Variants in PCDHA6 observed in about 807,000 individuals in gnomAD.
PCDHA6 encodes protocadherin alpha-6.
A neutral mutation model predicts 60.3 loss-of-function variants in PCDHA6; 55 were observed. That is an observed-to-expected ratio of 0.91 (90% confidence interval 0.73 to 1.14). PCDHA6 has a LOEUF of 1.14. PCDHA6 is among the 50% of genes most tolerant of loss of function. The pLI, the probability that PCDHA6 is intolerant of heterozygous loss-of-function variation, is 0.00. For missense variants in PCDHA6, 1,327 were observed against 1,256.5 expected (o/e 1.06, Z -0.85); for synonymous variants, 652 against 557.9 (o/e 1.17, Z -2.38).
At chr5:140,986,393 C>T (rs1554248003) in intron 3 of PCDHA6, among the ~76,000 whole-genome samples, 1 of 152,148 alleles carries the variant, frequency 6.6e-6, no homozygotes, top group Non-Finnish European at 1.5e-5. Context: ...ATTAAAGGGC[C>T]AGTCGCTCAT....
At chr5:140,870,132 C>T (rs371110623) in intron 1 of PCDHA6, 43 of 1,613,852 alleles carry the variant, frequency 2.7e-5, no homozygotes, top group East Asian at 4.5e-5. Context: ...TGGACACCAA[C>T]GATAACTCTC....
In PCDHA6 at chr5:140,854,901, T is replaced by C. The variant is rs1371742566; in HGVS notation, c.2394+24416T>C. On this transcript the variant is annotated intron_variant, in intron 1 of 3. Transcript: ENST00000529310. ...CTTTTGGGCATTTGAAAAGCGTAAA[T>C]ATAACAGGGTTGAAAGCATTTGCCT... 1.1e-4 allele frequency among the ~76,000 whole-genome samples: 17 copies of C among 149,996 alleles called. No individual in the cohort carries two copies. In the Admixed American group the frequency reaches 1.1e-3, roughly 10 times the overall value.
chr5:140,967,201 A>G (rs1554229306), intron 1 of PCDHA6: 7 of 1,613,620 alleles, frequency 4.3e-6, no homozygotes, highest in Non-Finnish European at 5.9e-6. Flanking sequence ...ACGACAACTC[A>G]CCGCGTTTCC....
intron 3 of PCDHA6, among the ~76,000 whole-genome samples, chr5:141,002,620 A>G (rs553505520): frequency 6.8e-4 from 104 of 152,336 alleles, no homozygotes; most frequent in African/African-American, 2.4e-3. Flanking sequence ...CACATAACAC[A>G]GACAGAGATA....
chr5:140,880,063 G>A (rs750549371), intron 1 of PCDHA6, among the ~76,000 whole-genome samples: 2 of 151,982 alleles, frequency 1.3e-5, no homozygotes, highest in Non-Finnish European at 2.9e-5. Flanking sequence ...AACTTTTTGG[G>A]GACCACAATT....
At chr5:141,004,952 C>T (rs543938360) in intron 3 of PCDHA6, among the ~76,000 whole-genome samples, 52 of 152,346 alleles carry the variant, frequency 3.4e-4, no homozygotes, top group African/African-American at 1.2e-3. Context: ...TACCCTCTCT[C>T]GTCACTGCCT....
rs546510910 is a variant in PCDHA6, at chr5:140,894,996, C to G, written c.2394+64511C>G. ...GTCTTACTTTGTGACATCCTTTACC[C>G]TTTTTACTTGGACCTTTTTCCTTTG... is the stretch of plus-strand genomic sequence containing the variant. On this transcript the variant is annotated intron_variant, in intron 1 of 3. Transcript: ENST00000529310. Among the ~76,000 whole-genome samples, 5 of 152,204 alleles carry G rather than the reference C, an allele frequency of 3.3e-5. No homozygotes were observed. The East Asian group carries it at 9.6e-4, about 29-fold the overall frequency.
intron 1 of PCDHA6, chr5:140,883,658 G>T (rs573544891): frequency 6.2e-7 from 1 of 1,613,994 alleles, no homozygotes; most frequent in Non-Finnish European, 8.5e-7. Context: ...CACGGTGTTC[G>T]TGAAGGAAAA....
intron 1 of PCDHA6, among the ~76,000 whole-genome samples, chr5:140,905,871 G>C (rs889363141): frequency 6.6e-6 from 1 of 152,078 alleles, no homozygotes; most frequent in African/African-American, 2.4e-5. Context: ...ACAATCACAA[G>C]GCCCAACAAT....
rs1554239929 is a variant in PCDHA6 at position 140,978,939 on chromosome 5, G to A, written c.2395-10G>A. 1 of 1,613,986 alleles carries A rather than the reference G, an allele frequency of 6.2e-7. No individual in the cohort carries two copies. The highest frequency in any genetic ancestry group is 1.3e-5 in the African/African-American group (1 of 74,908). On this transcript the variant is annotated splice_polypyrimidine_tract_variant and intron_variant, in intron 1 of 3. Transcript: ENST00000529310. ...CATTTTAACAGAAAACTCTCTTTGTGATTTTGCAGCCACGACAGCCCAACC... is the reference window on the plus strand; with the variant it reads ...CATTTTAACAGAAAACTCTCTTTGTAATTTTGCAGCCACGACAGCCCAACC...
chr5:140,946,631 T>TATATATATATATATATATACAC lies in PCDHA6; in HGVS notation c.2395-32317_2395-32316insTATATATATATATATATACACA, dbSNP rs57893927. Among the ~76,000 whole-genome samples the TATATATATATATATATATACAC allele has an allele frequency of 6.1e-4, 80 of 131,840 alleles. 1 individual carries two copies. The East Asian group carries it at 6.6e-3, about 11-fold the overall frequency. The allele number at this position is 131,840 out of a possible 152,430, so 86.5% of individuals were successfully genotyped here. A position where few individuals can be genotyped will look rare whatever the true frequency, so the allele number is the denominator to read the frequency against. ...TGTGAAATATATATATATATATATATACAATGGAATACTCATCAGCCATTA... is the reference window on the plus strand; with the variant it reads ...TGTGAAATATATATATATATATATATATATATATATATATATATACACACAATGGAATACTCATCAGCCATTA... On this transcript the variant is annotated intron_variant, in intron 1 of 3. Transcript: ENST00000529310.
At chr5:140,856,690 T>G (rs1368181199) in intron 1 of PCDHA6, 2 of 1,597,086 alleles carry the variant, frequency 1.3e-6, no homozygotes, top group African/African-American at 2.7e-5. Context: ...TGACAGCAAC[T>G]GATGGAGGCA....
chr5:140,873,240 A>G (rs1008708021), intron 1 of PCDHA6, among the ~76,000 whole-genome samples: 10 of 152,226 alleles, frequency 6.6e-5, no homozygotes, highest in African/African-American at 2.4e-4. Context: ...ATAAAAATAT[A>G]AAATATTTCA....
rs535981750 is a variant in PCDHA6 at position 140,934,094 on chromosome 5, GCTTT to G, written c.2395-44852_2395-44849del. Among the ~76,000 whole-genome samples, 58 of 151,890 alleles carry G rather than the reference GCTTT, an allele frequency of 3.8e-4. 1 individual carries two copies. The highest frequency in any genetic ancestry group is 6.8e-3 in the Middle Eastern group (2 of 292). ...TTTGGGTTCGCTTTGTTGTATGTTT[GCTTT>G]CTATTTTATTAATTTTCATACTTTA... On this transcript the variant is annotated intron_variant, in intron 1 of 3. Transcript: ENST00000529310.
In PCDHA6 at chr5:140,883,991, G is replaced by A. The variant is rs1475054823; in HGVS notation, c.2394+53506G>A. ...GACGCCCGGGGCTGGCAGCGCGGGA[G>A]GCACAGTGAGCGAGCTGATGCCGCG... On this transcript the variant is annotated intron_variant, in intron 1 of 3. Transcript: ENST00000529310. 2 of 1,612,972 alleles carry A rather than the reference G, an allele frequency of 1.2e-6. No individual in the cohort carries two copies. The highest frequency in any genetic ancestry group is 2.2e-5 in the East Asian group (1 of 44,862).
At chr5:141,001,536 A>G (rs562513933) in intron 3 of PCDHA6, among the ~76,000 whole-genome samples, 153 of 152,240 alleles carry the variant, frequency 1.0e-3, no homozygotes, top group African/African-American at 3.5e-3. Context: ...CTGATCCTGG[A>G]CAGGATTTGG....
In PCDHA6 at chr5:140,987,224, A is replaced by AAT. The variant is rs1554248891; in HGVS notation, c.2542+4662_2542+4663insTA. Among the ~76,000 whole-genome samples, 91 of 152,046 alleles carry AAT rather than the reference A, an allele frequency of 6.0e-4. 1 individual carries two copies. Among genetic ancestry groups the AAT allele is most frequent in the African/African-American group, 2.0e-3 (84 of 41,424 alleles). ...GTGAGACTCCATCTCAAAAAAAAAA[A>AAT]AAATAATAAATAAAGAAAGAAAGAC... On this transcript the variant is annotated intron_variant, in intron 3 of 3. Coordinates refer to ENST00000529310, the MANE Select transcript of PCDHA6 (RefSeq NM_018909.4).
chr5:140,850,541 G>T lies in PCDHA6; in HGVS notation c.2394+20056G>T. 3 of 1,598,386 alleles carry T rather than the reference G, an allele frequency of 1.9e-6. No individual in the cohort carries two copies. Among genetic ancestry groups the T allele is most frequent in the Non-Finnish European group, 2.6e-6 (3 of 1,167,870 alleles). ...AGGCGCCAAAGTCATCGTCGCGGGC[G>T]TCAGTGGGTGCCACGGGCCCCGAGG... On this transcript the variant is annotated intron_variant, in intron 1 of 3. Transcript: ENST00000529310.
intron 1 of PCDHA6, chr5:140,853,873 G>T (rs1238273560): frequency 1.0e-6 from 1 of 983,500 alleles, no homozygotes; most frequent in Non-Finnish European, 1.2e-6. Context: ...GACAGTGCAA[G>T]TTTCTGTAAT....
Sources: gnomAD v4.1 joint callset for allele counts (sites outside exome capture counted in the v4.1 genomes callset) on GRCh38, gnomAD v4.1.1 for gene constraint, MANE v1.5 for transcripts, NCBI Gene and HGNC (gene_info 2026-07-23, HGNC 2026-07-21) for gene names.